The following CSMD1 variants were observed in gnomAD, a reference collection of about 807,000 sequenced individuals.
CSMD1 encodes CUB and sushi domain-containing protein 1.
Under a neutral mutation model 417.5 loss-of-function variants are expected in CSMD1, and 213 were observed. The observed-to-expected ratio is 0.51, with a 90% CI of 0.46 to 0.57. The LOEUF (loss-of-function observed/expected upper bound fraction) is 0.57, where lower values mean the gene tolerates loss of function less well. Among genes scored for constraint, CSMD1 ranks in the 20% least tolerant of loss-of-function variants. The pLI is 0.00. For missense variants in CSMD1, 6,923 were observed against 4,529.7 expected (o/e 1.53, Z -15.17); for synonymous variants, 2,862 against 1,736.8 (o/e 1.65, Z -16.11).
At chr8:3,410,220 C>G (rs1812597007) in intron 12 of CSMD1, among the ~76,000 whole-genome samples, 3 of 152,148 alleles carry the variant, frequency 2.0e-5, no homozygotes, top group East Asian at 1.9e-4. Context: ...CAAATGTTAA[C>G]TACACAGAAT....
At chr8:4,350,334 G>T (rs113970366) in intron 3 of CSMD1, among the ~76,000 whole-genome samples, 2,505 of 152,222 alleles carry the variant, frequency 0.016, 58 homozygotes, top group African/African-American at 0.058. Flanking sequence ...CACCTGAGGG[G>T]CACACAAACT....
intron 10 of CSMD1, among the ~76,000 whole-genome samples, chr8:3,507,188 G>C (rs1450432392): frequency 6.6e-6 from 1 of 152,132 alleles, no homozygotes. Context: ...ACTCAATTGT[G>C]AATCATCATG....
chr8:3,477,325 C>T (rs1817490233), intron 11 of CSMD1, among the ~76,000 whole-genome samples: 1 of 152,184 alleles, frequency 6.6e-6, no homozygotes, highest in South Asian at 2.1e-4. Flanking sequence ...AAAGCCTGCC[C>T]TTCAGATAAA....
At chr8:4,154,870 T>A (rs774674503) in intron 3 of CSMD1, among the ~76,000 whole-genome samples, 1 of 152,198 alleles carries the variant, frequency 6.6e-6, no homozygotes, top group Non-Finnish European at 1.5e-5. Flanking sequence ...CCAAGTCAGC[T>A]GCATCACAGT....
intron 59 of CSMD1, among the ~76,000 whole-genome samples, chr8:2,964,837 G>C (rs1208500473): frequency 6.6e-6 from 1 of 152,108 alleles, no homozygotes; most frequent in East Asian, 1.9e-4. Flanking sequence ...CCATATTTTT[G>C]AGCATTCAGG....
At chr8:4,126,911 C>G (rs370403309) in intron 3 of CSMD1, among the ~76,000 whole-genome samples, 2 of 152,178 alleles carry the variant, frequency 1.3e-5, no homozygotes, top group South Asian at 4.2e-4. Flanking sequence ...AACACAGGCT[C>G]TCACGCCCAC....
chr8:4,618,223 C>T (rs771442439), intron 2 of CSMD1, among the ~76,000 whole-genome samples: 6 of 152,142 alleles, frequency 3.9e-5, no homozygotes, highest in Non-Finnish European at 7.4e-5. Flanking sequence ...AAGACTCATC[C>T]TACCCAACTC....
chr8:4,778,873 G>A (rs1188428354), intron 1 of CSMD1, among the ~76,000 whole-genome samples: 2 of 152,334 alleles, frequency 1.3e-5, no homozygotes, highest in East Asian at 1.9e-4. Flanking sequence ...GCTATACAAT[G>A]TAGTTAGGAC....
chr8:4,703,938 G>C (rs909062551), intron 1 of CSMD1, among the ~76,000 whole-genome samples: 5 of 152,126 alleles, frequency 3.3e-5, no homozygotes, highest in African/African-American at 1.2e-4. Context: ...ATTCTCACAA[G>C]TAGCACACAA....
intron 4 of CSMD1, among the ~76,000 whole-genome samples, chr8:4,030,647 C>A (rs187685375): frequency 6.6e-6 from 1 of 152,164 alleles, no homozygotes; most frequent in Non-Finnish European, 1.5e-5. Context: ...AGGCATTTTC[C>A]CCATGGTCTT....
intron 10 of CSMD1, among the ~76,000 whole-genome samples, chr8:3,546,253 G>A (rs574320205): frequency 7.0e-6 from 1 of 142,290 alleles, no homozygotes; most frequent in African/African-American, 2.7e-5. Context: ...CTGGCCACGT[G>A]AATTTTTCCT....
chr8:4,068,130 G>C (rs553364252), intron 3 of CSMD1, among the ~76,000 whole-genome samples: 1 of 152,242 alleles, frequency 6.6e-6, no homozygotes, highest in Non-Finnish European at 1.5e-5. Flanking sequence ...TCTTCTTGCA[G>C]AGCCACACAG....
At chr8:3,000,493 A>C (rs1202071537) in intron 52 of CSMD1, among the ~76,000 whole-genome samples, 1 of 152,190 alleles carries the variant, frequency 6.6e-6, no homozygotes, top group African/African-American at 2.4e-5. Flanking sequence ...TAACATGAAC[A>C]GGGCTTCTTA....
At chr8:4,778,992 G>A (rs1401419908) in intron 1 of CSMD1, among the ~76,000 whole-genome samples, 1 of 152,202 alleles carries the variant, frequency 6.6e-6, no homozygotes, top group African/African-American at 2.4e-5. Flanking sequence ...ATAGGTGGGT[G>A]TTTAACAGTA....
chr8:4,706,378 C>T (rs1471553421), intron 1 of CSMD1, among the ~76,000 whole-genome samples: 6 of 152,070 alleles, frequency 3.9e-5, no homozygotes, highest in East Asian at 1.9e-4. Flanking sequence ...AATTAGACTA[C>T]GTTATCTGCA....
At chr8:4,221,821 G>T (rs757897448) in intron 3 of CSMD1, among the ~76,000 whole-genome samples, 1 of 152,064 alleles carries the variant, frequency 6.6e-6, no homozygotes, top group Non-Finnish European at 1.5e-5. Context: ...TTCCTACTTG[G>T]CTCTGAGAAT....
chr8:4,416,952 A>C (rs1298765848), intron 3 of CSMD1, among the ~76,000 whole-genome samples: 1 of 152,038 alleles, frequency 6.6e-6, no homozygotes, highest in Non-Finnish European at 1.5e-5. Context: ...TAATCCTAAT[A>C]GTTTCTGTTA....
At chr8:3,584,684 T>G (rs548108990) in intron 9 of CSMD1, among the ~76,000 whole-genome samples, 2 of 152,342 alleles carry the variant, frequency 1.3e-5, no homozygotes, top group African/African-American at 4.8e-5. Context: ...AATACTGATT[T>G]AAAAGTAACA....
At chr8:3,961,991 T>A (rs1219457040) in intron 5 of CSMD1, among the ~76,000 whole-genome samples, 3 of 152,178 alleles carry the variant, frequency 2.0e-5, no homozygotes, top group African/African-American at 7.2e-5. Context: ...CATCACAAAG[T>A]TGCACAAAGA....
Sources: allele counts gnomAD v4.1 joint callset (sites outside exome capture counted in the v4.1 genomes callset), GRCh38; gene constraint gnomAD v4.1.1; transcripts MANE v1.5; gene names NCBI Gene and HGNC (gene_info 2026-07-23, HGNC 2026-07-21).